The following ARHGEF3 variants were observed in gnomAD, a reference collection of about 807,000 sequenced individuals.
ARHGEF3 encodes 59.8 kDA protein.
ARHGEF3 carries 28 observed loss-of-function variants against 63.2 expected under a neutral mutation model. The observed-to-expected ratio is 0.44, with a 90% CI of 0.33 to 0.61. ARHGEF3 has a LOEUF of 0.61. Ranked by LOEUF, ARHGEF3 falls within the 20% of genes least tolerant of loss-of-function variation. ARHGEF3 has a pLI of 0.03. For missense variants in ARHGEF3, 533 were observed against 659.3 expected, an observed-to-expected ratio of 0.81 and a Z score of 2.10; for synonymous variants, 266 against 254.2, an observed-to-expected ratio of 1.05 and a Z score of -0.44.
At chr3:56,947,317 A>T (rs1254831240) in intron 3 of ARHGEF3, among the ~76,000 whole-genome samples, 1 of 152,242 alleles carries the variant, frequency 6.6e-6, no homozygotes, top group Non-Finnish European at 1.5e-5. Flanking sequence ...GCTCCAATTA[A>T]AAGACACAGA....
intron 1 of ARHGEF3, among the ~76,000 whole-genome samples, chr3:56,784,230 CA>C (rs1578503120): frequency 6.6e-6 from 1 of 152,242 alleles, no homozygotes; most frequent in Non-Finnish European, 1.5e-5. Flanking sequence ...CCAGCAGCAT[CA>C]AGTCTCTGTG....
At chr3:56,897,447 T>C (rs1352399270) in intron 3 of ARHGEF3, among the ~76,000 whole-genome samples, 2 of 152,194 alleles carry the variant, frequency 1.3e-5, no homozygotes, top group Non-Finnish European at 2.9e-5. Context: ...ATGTTTTTGC[T>C]ACGGGGGTGC....
At chr3:56,826,846 C>T (rs1197403429) in intron 4 of ARHGEF3, among the ~76,000 whole-genome samples, 1 of 152,224 alleles carries the variant, frequency 6.6e-6, no homozygotes, top group Non-Finnish European at 1.5e-5. Flanking sequence ...AATGAAAATT[C>T]ACTACCCCAA....
intron 4 of ARHGEF3, among the ~76,000 whole-genome samples, chr3:56,865,481 A>G (rs1315277713): frequency 6.6e-6 from 1 of 152,244 alleles, no homozygotes; most frequent in Non-Finnish European, 1.5e-5. Context: ...AATTTTTTAA[A>G]GCCAATGTTT....
At chr3:57,036,134 G>T (rs1377380096) in intron 1 of ARHGEF3, among the ~76,000 whole-genome samples, 1 of 152,084 alleles carries the variant, frequency 6.6e-6, no homozygotes, top group Non-Finnish European at 1.5e-5. Context: ...CTTCCTGAGG[G>T]CCTGGTGCAT....
intron 4 of ARHGEF3, among the ~76,000 whole-genome samples, chr3:56,854,922 G>A (rs904224352): frequency 6.6e-6 from 1 of 152,166 alleles, no homozygotes; most frequent in African/African-American, 2.4e-5. Flanking sequence ...ATCCAAGATG[G>A]AGTGGTCAGA....
At chr3:56,922,950 C>T (rs2042179597) in intron 3 of ARHGEF3, among the ~76,000 whole-genome samples, 1 of 147,168 alleles carries the variant, frequency 6.8e-6, no homozygotes, top group African/African-American at 2.5e-5. Flanking sequence ...CTTTGGGAAG[C>T]GTAGGCGGAA....
intron 4 of ARHGEF3, among the ~76,000 whole-genome samples, chr3:56,826,375 G>T (rs1487836560): frequency 6.6e-6 from 1 of 152,176 alleles, no homozygotes. Context: ...CCACATAAAT[G>T]AGTAGCTGCC....
intron 2 of ARHGEF3, among the ~76,000 whole-genome samples, chr3:57,031,413 G>C (rs755896379): frequency 1.3e-5 from 2 of 152,042 alleles, no homozygotes; most frequent in Non-Finnish European, 2.9e-5. Flanking sequence ...GTCTTTACTG[G>C]GTACTGACTA....
intron 1 of ARHGEF3, among the ~76,000 whole-genome samples, chr3:56,783,110 C>T (rs1418698335): frequency 6.6e-6 from 1 of 152,072 alleles, no homozygotes; most frequent in Non-Finnish European, 1.5e-5. Flanking sequence ...TGAGCTCACA[C>T]AATGCTGGCA....
Position 56,873,501 on chromosome 3 carries a change from G to A in ARHGEF3, c.192+8791C>T, listed in dbSNP as rs116265080. Reference sequence around the variant, plus strand: ...AACATATGTATTTGGTTGTCTGTTCGTGCGTTAGTTTGCTAAAGATAATGG... The same window carrying A: ...AACATATGTATTTGGTTGTCTGTTCATGCGTTAGTTTGCTAAAGATAATGG... On this transcript the variant is annotated intron_variant, in intron 4 of 12. Transcript: ENST00000338458. Among the ~76,000 whole-genome samples the A allele has an allele frequency of 2.9e-3, 435 of 152,132 alleles. 2 individuals are homozygous for A. The highest frequency in any genetic ancestry group is 9.9e-3 in the African/African-American group (412 of 41,508).
chr3:57,077,732 C>T (rs1706282425), intron 1 of ARHGEF3, among the ~76,000 whole-genome samples: 1 of 152,118 alleles, frequency 6.6e-6, no homozygotes, highest in Admixed American at 6.5e-5. Flanking sequence ...ACCCTCCCCC[C>T]AACCAAGAGG....
chr3:56,884,173 G>A (rs1277176376), intron 3 of ARHGEF3, among the ~76,000 whole-genome samples: 5 of 152,154 alleles, frequency 3.3e-5, no homozygotes, highest in Admixed American at 3.3e-4. Context: ...GTGAGCAGAG[G>A]TGGTGATGAT....
At chr3:56,879,226 C>T (rs151037160) in intron 4 of ARHGEF3, among the ~76,000 whole-genome samples, 13 of 152,198 alleles carry the variant, frequency 8.5e-5, no homozygotes, top group East Asian at 1.9e-4. Context: ...CTACCCCACC[C>T]GGTCAGTGGA....
rs1231328722 is a variant in ARHGEF3, at chr3:57,070,971, C to CAA, written c.-28+8253_-28+8254dup. ...TGGGTGACAGAGCAAGACTCTGTCACAAAAAAAAAAAAAAAAGAAAGAAAG... is the reference window on the plus strand; with the variant it reads ...TGGGTGACAGAGCAAGACTCTGTCACAAAAAAAAAAAAAAAAAAGAAAGAAAG... On this transcript the variant is annotated intron_variant, in intron 1 of 12. Transcript: ENST00000338458. Among the ~76,000 whole-genome samples the CAA allele has an allele frequency of 3.4e-3, 168 of 49,650 alleles. 1 individual carries two copies. The highest frequency in any genetic ancestry group is 9.5e-3 in the African/African-American group (152 of 15,982). 32.6% of individuals were successfully genotyped at this position (49,650 alleles called of 152,430 possible).
chr3:56,755,895 C>T (rs978442856), intron 2 of ARHGEF3, among the ~76,000 whole-genome samples: 1 of 152,232 alleles, frequency 6.6e-6, no homozygotes, highest in Non-Finnish European at 1.5e-5. Flanking sequence ...TTTACCAATA[C>T]TGCTTGAGCC....
intron 3 of ARHGEF3, among the ~76,000 whole-genome samples, chr3:56,907,716 G>A (rs2041732088): frequency 6.6e-6 from 1 of 152,204 alleles, no homozygotes; most frequent in Non-Finnish European, 1.5e-5. Context: ...GTGTTTTGCA[G>A]GAACATGGAT....
chr3:56,860,041 G>GAGATAGATAGATAGAT (rs71072201), intron 4 of ARHGEF3, among the ~76,000 whole-genome samples: 61 of 150,376 alleles, frequency 4.1e-4, no homozygotes, highest in South Asian at 3.6e-3. Flanking sequence ...GGTCTCAAGA[G>GAGATAGATAGATAGAT]AGATAGATAG....
At chr3:56,865,075 T>C (rs942216304) in intron 4 of ARHGEF3, among the ~76,000 whole-genome samples, 1 of 152,194 alleles carries the variant, frequency 6.6e-6, no homozygotes, top group Non-Finnish European at 1.5e-5. Context: ...TCCAGACACA[T>C]TCTTCATGAG....
Sources: gnomAD v4.1 joint callset for allele counts (sites outside exome capture counted in the v4.1 genomes callset) on GRCh38, gnomAD v4.1.1 for gene constraint, MANE v1.5 for transcripts, NCBI Gene and HGNC (gene_info 2026-07-23, HGNC 2026-07-21) for gene names.